The following KHDRBS3 variants were observed in gnomAD, a reference collection of about 807,000 sequenced individuals.
KHDRBS3 encodes the protein KH domain-containing, RNA-binding, signal transduction-associated protein 3.
Under a neutral mutation model 45.6 loss-of-function variants are expected in KHDRBS3, and 23 were observed. The observed-to-expected ratio is 0.50, with a 90% CI of 0.36 to 0.72. KHDRBS3 has a LOEUF of 0.72. KHDRBS3 is among the 30% of genes least tolerant of loss of function. The pLI is 0.00. For synonymous variants in KHDRBS3, 162 were observed against 156.5 expected, an observed-to-expected ratio of 1.04 and a Z score of -0.26; for missense variants, 352 against 424.8, an observed-to-expected ratio of 0.83 and a Z score of 1.51.
At chr8:135,620,634 C>T (rs1188333790) in intron 7 of KHDRBS3, among the ~76,000 whole-genome samples, 2 of 152,118 alleles carry the variant, frequency 1.3e-5, no homozygotes, top group African/African-American at 2.4e-5. Flanking sequence ...TTAGAATTTT[C>T]TAAAATGGTG....
chr8:135,589,413 C>T (rs1414257359), intron 6 of KHDRBS3, among the ~76,000 whole-genome samples: 1 of 152,176 alleles, frequency 6.6e-6, no homozygotes, highest in East Asian at 1.9e-4. Context: ...TAAGGGCCTT[C>T]CTGAGACCTT....
chr8:135,482,667 T>G (rs972553763), intron 1 of KHDRBS3, among the ~76,000 whole-genome samples: 1 of 152,106 alleles, frequency 6.6e-6, no homozygotes, highest in Non-Finnish European at 1.5e-5. Context: ...GCTTGCTGTT[T>G]GAGATGATGA....
In KHDRBS3 at chr8:135,542,639, G is replaced by T. The variant is rs772650816; in HGVS notation, c.208-15G>T. 2.6e-6 allele frequency: 4 copies of T among 1,563,678 alleles called. No homozygotes were observed. In the East Asian group the frequency reaches 9.0e-5, roughly 35 times the overall value. On this transcript the variant is annotated splice_polypyrimidine_tract_variant and intron_variant, in intron 2 of 8. Transcript: ENST00000355849. Reference sequence around the variant, plus strand: ...ACATATAAATGCTACAAATTTGGTTGTTTATTTTTCCTAGTTCAACTTTGT... The same window carrying T: ...ACATATAAATGCTACAAATTTGGTTTTTTATTTTTCCTAGTTCAACTTTGT...
intron 1 of KHDRBS3, among the ~76,000 whole-genome samples, chr8:135,502,967 AG>A (rs1823806766): frequency 6.6e-6 from 1 of 152,212 alleles, no homozygotes; most frequent in African/African-American, 2.4e-5. Context: ...CGGTCACACT[AG>A]TCACCTTTCA....
At position 135,644,943 on chromosome 8, in the gene KHDRBS3, G is replaced by T. The variant is rs999340495; in HGVS notation, c.891-116G>T. 4.5e-5 allele frequency: 48 copies of T among 1,076,522 alleles called. No individual in the cohort carries two copies. The African/African-American group carries it at 5.5e-4, about 12-fold the overall frequency. 66.7% of individuals were successfully genotyped at this position (1,076,522 alleles called of 1,614,324 possible). The stretch of plus-strand genomic sequence containing the variant: ...CTGTGATCTCGGTGGGAATTTCTTT[G>T]AATTTTCAGTCTTGCCCTTCATTAG... On this transcript the variant is annotated intron_variant, in intron 7 of 8. Coordinates refer to ENST00000355849, the MANE Select transcript of KHDRBS3 (RefSeq NM_006558.3).
At chr8:135,582,123 C>G in intron 6 of KHDRBS3, 50 bp downstream of exon 6, 1 of 1,459,390 alleles carries the variant, frequency 6.9e-7, no homozygotes, top group Non-Finnish European at 9.1e-7. Context: ...TGACTTAATC[C>G]AGACTTAGCA....
chr8:135,628,346 C>G (rs145673027), intron 7 of KHDRBS3, among the ~76,000 whole-genome samples: 8 of 152,222 alleles, frequency 5.3e-5, no homozygotes, highest in Admixed American at 2.0e-4. Flanking sequence ...ATCTGCTGAA[C>G]AGATGTCGAA....
At chr8:135,533,735 G>T (rs1240459917) in intron 2 of KHDRBS3, among the ~76,000 whole-genome samples, 1 of 152,134 alleles carries the variant, frequency 6.6e-6, no homozygotes, top group Non-Finnish European at 1.5e-5. Flanking sequence ...ATGGGGTTTT[G>T]TCCCAATAAG....
chr8:135,536,234 G>GTTTTTTTTTTTTTTTTTTT (rs374782370), intron 2 of KHDRBS3, among the ~76,000 whole-genome samples: 3 of 86,400 alleles, frequency 3.5e-5, no homozygotes, highest in Non-Finnish European at 2.4e-5. Context: ...TTTCTGTCCA[G>GTTTTTTTTTTTTTTTTTTT]TTTTTTTTTT....
rs200026165 is a variant in KHDRBS3, at chr8:135,581,885, G to C, written c.619G>C (p.Gly207Arg). ...VPAPAITRGRGGVTARPVGVV... is the reference protein window; with the variant it reads ...VPAPAITRGRRGVTARPVGVV... ...TGACTCTCTTGGTTACAGGGGAAGGGGAGGAGTTACAGCCCGGCCAGTTGG... is the reference window on the plus strand; with the variant it reads ...TGACTCTCTTGGTTACAGGGGAAGGCGAGGAGTTACAGCCCGGCCAGTTGG... The change falls in exon 6 of 9, where the codon GGA (glycine) becomes CGA (arginine). Residue 207 changes from glycine (G) to arginine (R), a missense_variant. This residue lies in a region of KHDRBS3 where 212 missense variants were observed against 209.6 expected (regional missense o/e 1.01). Coordinates refer to ENST00000355849, the MANE Select transcript of KHDRBS3 (RefSeq NM_006558.3). 1.1e-5 allele frequency: 18 copies of C among 1,593,566 alleles called. No individual in the cohort carries two copies. The highest frequency in any genetic ancestry group is 1.5e-5 in the Non-Finnish European group (18 of 1,166,330).
chr8:135,590,316 A>G (rs757329708), intron 6 of KHDRBS3, among the ~76,000 whole-genome samples: 4 of 152,216 alleles, frequency 2.6e-5, no homozygotes, highest in Non-Finnish European at 4.4e-5. Context: ...CCAAAATGTC[A>G]TTATGTGGTA....
At position 135,647,527 on chromosome 8, in the gene KHDRBS3, CT is replaced by C. The variant is rs1304268505; in HGVS notation, c.*447del. ...TTACAAGTGCAAATAATGTGGTATT[CT>C]TTTGTAACTCAAGTCTTGAAATGTT... On this transcript the variant is annotated 3_prime_UTR_variant, in exon 9 of 9. Coordinates refer to ENST00000355849, the MANE Select transcript of KHDRBS3 (RefSeq NM_006558.3). The C allele has an allele frequency of 3.3e-5, 5 of 152,740 alleles. No individual in the cohort carries two copies. Among genetic ancestry groups the C allele is most frequent in the African/African-American group, 9.7e-5 (4 of 41,362 alleles). 9.5% of individuals were successfully genotyped at this position (152,740 alleles called of 1,614,324 possible).
At chr8:135,461,381 G>A (rs1821424581) in intron 1 of KHDRBS3, among the ~76,000 whole-genome samples, 1 of 152,216 alleles carries the variant, frequency 6.6e-6, no homozygotes, top group East Asian at 1.9e-4. Context: ...GGGATTACAG[G>A]TGTGAGCCAC....
At chr8:135,503,521 G>A (rs1373912241) in intron 1 of KHDRBS3, among the ~76,000 whole-genome samples, 1 of 151,874 alleles carries the variant, frequency 6.6e-6, no homozygotes, top group Non-Finnish European at 1.5e-5. Context: ...CCTTGAAATG[G>A]TCACACTGAC....
At chr8:135,479,516 G>T (rs1822460387) in intron 1 of KHDRBS3, among the ~76,000 whole-genome samples, 1 of 152,162 alleles carries the variant, frequency 6.6e-6, no homozygotes, top group Non-Finnish European at 1.5e-5. Context: ...TCAGAGTTCT[G>T]GAGGGTGGAA....
chr8:135,596,956 C>G (rs1828999385), intron 6 of KHDRBS3, among the ~76,000 whole-genome samples: 1 of 152,174 alleles, frequency 6.6e-6, no homozygotes, highest in Non-Finnish European at 1.5e-5. Context: ...GCACCTCTCT[C>G]CCAGCTCACT....
chr8:135,612,042 C>T (rs538906068), intron 7 of KHDRBS3, among the ~76,000 whole-genome samples: 2 of 151,876 alleles, frequency 1.3e-5, no homozygotes, highest in South Asian at 4.2e-4. Flanking sequence ...GCATCCCCTT[C>T]GATATTGCTA....
At chr8:135,598,303 C>A (rs1196820239) in intron 6 of KHDRBS3, among the ~76,000 whole-genome samples, 1 of 152,178 alleles carries the variant, frequency 6.6e-6, no homozygotes, top group East Asian at 1.9e-4. Context: ...ATGAACTATG[C>A]CAAACAATTT....
chr8:135,521,178 A>G (rs776254284), intron 1 of KHDRBS3, 59 bp from the exon 2 acceptor site: 66 of 997,076 alleles, frequency 6.6e-5, no homozygotes, highest in Non-Finnish European at 9.5e-5. Context: ...GCTAACCAGA[A>G]CACCCAGCCC....
Sources: allele counts gnomAD v4.1 joint callset (sites outside exome capture counted in the v4.1 genomes callset), GRCh38; gene constraint gnomAD v4.1.1; regional missense constraint gnomAD v4.1.1; transcripts MANE v1.5; gene names NCBI Gene and HGNC (gene_info 2026-07-23, HGNC 2026-07-21).